Variants in COMMD8 observed in about 807,000 individuals in gnomAD.
COMMD8 encodes the protein COMM domain-containing protein 8.
COMMD8 carries 28 observed loss-of-function variants against 27.2 expected under a neutral mutation model. That is an observed-to-expected ratio of 1.03 (90% confidence interval 0.76 to 1.41). COMMD8 has a LOEUF of 1.41. COMMD8 is among the 40% of genes most tolerant of loss of function. COMMD8 has a pLI of 0.00. For missense variants in COMMD8, 217 were observed against 211.2 expected (o/e 1.03, Z -0.17); for synonymous variants, 79 against 75.5 (o/e 1.05, Z -0.24).
chr4:47,460,208 T>A lies in COMMD8; in HGVS notation c.158A>T (p.His53Leu), dbSNP rs1729988777. 1.2e-6 allele frequency: 2 copies of A among 1,613,572 alleles called. No individual in the cohort carries two copies. Among genetic ancestry groups the A allele is most frequent in the African/African-American group, 1.3e-5 (1 of 74,924 alleles). Residue 53 changes from histidine to leucine, a missense_variant, in exon 2 of 5, where the codon CAC (histidine) becomes CTC (leucine). Coordinates refer to ENST00000381571, the MANE Select transcript of COMMD8 (RefSeq NM_017845.5). The stretch of plus-strand genomic sequence containing the variant: ...AAATTTGGCAATATCTTCTAAAACG[T>A]GCATCCATTCTTCTGATTCCCAAAC... ...HTVWESEEWMHVLEDIAKFFK... is the reference protein window; with the variant it reads ...HTVWESEEWMLVLEDIAKFFK...
At chr4:47,463,515 C>G in intron 1 of COMMD8, 71 bp downstream of exon 1, 1 of 1,447,034 alleles carries the variant, frequency 6.9e-7, no homozygotes, top group South Asian at 1.2e-5. Flanking sequence ...GGGTCGCACC[C>G]GGCCTGATCC....
rs1388674026 is a variant in COMMD8, at chr4:47,453,156, A to C, written c.434T>G (p.Leu145Arg). ...TACTTCACCATTTTCTTTTACATCT[A>C]GATGCAGGCTTAAAAGTGGCATTCG... ...ALRMPLLSLH[L>R]DVKENGEVKP... Residue 145 changes from leucine (L) to arginine (R), a missense_variant, in exon 4 of 5, where the codon CTA becomes CGA. By Grantham distance (102) the Leu-to-Arg change is moderately radical. Coordinates refer to ENST00000381571, the MANE Select transcript of COMMD8 (RefSeq NM_017845.5). 1 of 1,613,994 alleles carries C rather than the reference A, an allele frequency of 6.2e-7. No individual in the cohort carries two copies. The highest frequency in any genetic ancestry group is 8.5e-7 in the Non-Finnish European group (1 of 1,179,832).
intron 3 of COMMD8, among the ~76,000 whole-genome samples, chr4:47,453,921 A>G (rs1207408569): frequency 6.6e-6 from 1 of 152,204 alleles, no homozygotes; most frequent in Non-Finnish European, 1.5e-5. Flanking sequence ...CTTGCAAAAA[A>G]ATTACTTATG....
chr4:47,462,296 A>T (rs1032851213), intron 1 of COMMD8, among the ~76,000 whole-genome samples: 1 of 152,226 alleles, frequency 6.6e-6, no homozygotes, highest in East Asian at 1.9e-4. Context: ...CTCAAAATGG[A>T]GGCAGTAAAG....
intron 1 of COMMD8, among the ~76,000 whole-genome samples, chr4:47,461,297 AGAG>A (rs1730019656): frequency 6.6e-6 from 1 of 152,250 alleles, no homozygotes. Flanking sequence ...GTATCTTACA[AGAG>A]GAGTATTTGA....
At chr4:47,456,267 CATATATAT>C (rs34279197) in intron 3 of COMMD8, among the ~76,000 whole-genome samples, 1,221 of 118,996 alleles carry the variant, frequency 0.01, 20 homozygotes, top group African/African-American at 0.027. Flanking sequence ...ATAAATTATA[CATATATAT>C]ATATATATAT....
At chr4:47,461,647 C>T (rs1301130360) in intron 1 of COMMD8, among the ~76,000 whole-genome samples, 1 of 151,994 alleles carries the variant, frequency 6.6e-6, no homozygotes, top group Non-Finnish European at 1.5e-5. Context: ...TGGAAATGAC[C>T]TTATTTAATG....
At chr4:47,459,716 G>C (rs1434424690) in intron 2 of COMMD8, 1 of 152,876 alleles carries the variant, frequency 6.5e-6, no homozygotes, top group Non-Finnish European at 1.5e-5. Context: ...TACACTAAAA[G>C]ATTCAAACAT....
chr4:47,451,750 A>T, intron 4 of COMMD8, 85 bp from the exon 5 acceptor site: 1 of 1,026,488 alleles, frequency 9.7e-7, no homozygotes, highest in Non-Finnish European at 1.4e-6. Flanking sequence ...GAAGTCTCTG[A>T]AAAAGGGCAT....
chr4:47,454,220 A>G (rs993712861), intron 3 of COMMD8, among the ~76,000 whole-genome samples: 4 of 152,226 alleles, frequency 2.6e-5, no homozygotes, highest in African/African-American at 9.6e-5. Context: ...TACTTGTTAA[A>G]AAGTTCTTCC....
At chr4:47,454,234 G>A (rs1729829908) in intron 3 of COMMD8, among the ~76,000 whole-genome samples, 2 of 152,158 alleles carry the variant, frequency 1.3e-5, no homozygotes, top group African/African-American at 2.4e-5. Flanking sequence ...TTCTTCCCCA[G>A]GTTGAATTGA....
chr4:47,460,144 C>T lies in COMMD8; in HGVS notation c.222G>A (p.Glu74=). ...AIVGKNLPDE[E]IFQQLNQLNS... is the part of the protein sequence containing the mutation. ...TTATAGAAATGTGCAGAGAAGTTAC[C>T]TCTTCATCAGGTAAGTTTTTACCAA... is the stretch of plus-strand genomic sequence containing the variant. Residue 74 remains glutamate (E), a splice_region_variant and synonymous_variant, in exon 2 of 5, where the codon GAG becomes GAA. Transcript: ENST00000381571. 2 of 1,611,780 alleles carry T rather than the reference C, an allele frequency of 1.2e-6. No individual in the cohort carries two copies. The highest frequency in any genetic ancestry group is 2.7e-5 in the African/African-American group (2 of 74,952).
intron 2 of COMMD8, among the ~76,000 whole-genome samples, chr4:47,459,091 C>T (rs1483369983): frequency 1.3e-5 from 2 of 151,972 alleles, no homozygotes; most frequent in Non-Finnish European, 2.9e-5. Flanking sequence ...GTCTTCAGCA[C>T]AAATATTTCT....
At chr4:47,458,719 A>C (rs1389012696) in intron 2 of COMMD8, among the ~76,000 whole-genome samples, 2 of 152,116 alleles carry the variant, frequency 1.3e-5, no homozygotes, top group African/African-American at 2.4e-5. Context: ...ACTCCTGAAG[A>C]AGCATGAGAA....
At chr4:47,463,517 G>T in intron 1 of COMMD8, 69 bp downstream of exon 1, 1 of 1,455,520 alleles carries the variant, frequency 6.9e-7, no homozygotes, top group Non-Finnish European at 9.3e-7. Context: ...GTCGCACCCG[G>T]CCTGATCCGC....
At chr4:47,452,475 C>T (rs1030567322) in intron 4 of COMMD8, among the ~76,000 whole-genome samples, 4 of 152,040 alleles carry the variant, frequency 2.6e-5, no homozygotes, top group African/African-American at 4.8e-5. Context: ...TTATCATTAA[C>T]GAGCATTGCA....
intron 2 of COMMD8, 38 bp from the exon 3 acceptor site, chr4:47,456,767 TA>T: frequency 6.7e-7 from 1 of 1,498,400 alleles, no homozygotes; most frequent in Non-Finnish European, 8.9e-7. Flanking sequence ...GCTTTCTGTT[TA>T]AAATGTAAAA....
intron 2 of COMMD8, among the ~76,000 whole-genome samples, chr4:47,457,944 T>C (rs1056761692): frequency 1.3e-5 from 2 of 151,550 alleles, no homozygotes; most frequent in Non-Finnish European, 2.9e-5. Context: ...AAAAAAAAGA[T>C]AATACATCAC....
intron 2 of COMMD8, 179 bp downstream of exon 2, chr4:47,459,965 T>C (rs1409123584): frequency 2.1e-6 from 1 of 479,996 alleles, no homozygotes; most frequent in Admixed American, 4.1e-5. Flanking sequence ...CACAAAAGAG[T>C]AAAAACAACC....
Sources: gnomAD v4.1 joint callset for allele counts (sites outside exome capture counted in the v4.1 genomes callset) on GRCh38, gnomAD v4.1.1 for gene constraint, MANE v1.5 for transcripts, NCBI Gene and HGNC (gene_info 2026-07-23, HGNC 2026-07-21) for gene names.